The following ABLIM1 variants were observed in gnomAD, a reference collection of about 807,000 sequenced individuals.
The protein encoded by ABLIM1 is actin binding LIM protein 1.
A neutral mutation model predicts 107.0 loss-of-function variants in ABLIM1; 40 were observed. That is an observed-to-expected ratio of 0.37 (90% CI 0.29 to 0.49). The LOEUF (loss-of-function observed/expected upper bound fraction) is 0.49, where lower values mean the gene tolerates loss of function less well. Among genes scored for constraint, ABLIM1 ranks in the 20% least tolerant of loss-of-function variants. The probability of loss-of-function intolerance (pLI) is 0.97; values close to 1 mark genes in which losing one functional copy is unlikely to be tolerated. For missense variants in ABLIM1, 857 were observed against 1,008.5 expected (o/e 0.85, Z 2.04); for synonymous variants, 357 against 357.3 (o/e 1.00, Z 0.01).
At chr10:114,597,706 C>G (rs954230283) in intron 2 of ABLIM1, among the ~76,000 whole-genome samples, 8 of 152,210 alleles carry the variant, frequency 5.3e-5, no homozygotes, top group African/African-American at 1.7e-4. Context: ...CTATTCTGTG[C>G]TGTGACCTCC....
chr10:114,655,855 C>A (rs1298894181), intron 1 of ABLIM1, among the ~76,000 whole-genome samples: 1 of 152,206 alleles, frequency 6.6e-6, no homozygotes, highest in South Asian at 2.1e-4. Flanking sequence ...CAGCAGCTGT[C>A]GAAGTCGGTA....
intron 1 of ABLIM1, among the ~76,000 whole-genome samples, chr10:114,620,876 T>G (rs148222474): frequency 2.6e-4 from 39 of 152,302 alleles, no homozygotes; most frequent in African/African-American, 8.2e-4. Context: ...AAAGTAACTC[T>G]TCCCTTTAGG....
At chr10:114,527,071 G>A in intron 6 of ABLIM1, 1 of 711,786 alleles carries the variant, frequency 1.4e-6, no homozygotes, top group Non-Finnish European at 1.7e-6. Context: ...ACTATTGTCT[G>A]CATGTGAAAC....
chr10:114,767,243 G>T (rs950377715), intron 1 of ABLIM1, among the ~76,000 whole-genome samples: 1 of 152,276 alleles, frequency 6.6e-6, no homozygotes, highest in African/African-American at 2.4e-5. Context: ...TGCCTTCAGG[G>T]TATCAAAAGG....
At chr10:114,746,861 T>C (rs1464279438) in intron 1 of ABLIM1, among the ~76,000 whole-genome samples, 1 of 152,250 alleles carries the variant, frequency 6.6e-6, no homozygotes, top group Non-Finnish European at 1.5e-5. Flanking sequence ...TTTTGAGCAA[T>C]GTCTATTCAT....
At chr10:114,587,946 G>T (rs1048952653) in intron 2 of ABLIM1, among the ~76,000 whole-genome samples, 1 of 152,138 alleles carries the variant, frequency 6.6e-6, no homozygotes, top group African/African-American at 2.4e-5. Context: ...TTCTTTAGGG[G>T]TAGGTACCAT....
intron 1 of ABLIM1, among the ~76,000 whole-genome samples, chr10:114,720,404 G>T (rs1591884050): frequency 6.6e-6 from 1 of 152,252 alleles, no homozygotes; most frequent in East Asian, 1.9e-4. Context: ...TGGGATTGTT[G>T]AGTCAAATGG....
At position 114,471,284 on chromosome 10, in the gene ABLIM1, A is replaced by G. The variant is rs561842142; in HGVS notation, c.1275+1693T>C. ...ACTGCCTTGATGGAGCTGCTGGGAA[A>G]CGCACACAGACACGTACACTGCACA... is the stretch of plus-strand genomic sequence containing the variant. On this transcript the variant is annotated intron_variant, in intron 10 of 22. Transcript: ENST00000533213. Among the ~76,000 whole-genome samples the G allele has an allele frequency of 7.2e-5, 11 of 152,190 alleles. No individual in the cohort carries two copies. In the South Asian group the frequency reaches 2.1e-3, roughly 29 times the overall value.
intron 8 of ABLIM1, among the ~76,000 whole-genome samples, chr10:114,481,843 A>G (rs1459183858): frequency 1.3e-5 from 2 of 152,386 alleles, no homozygotes; most frequent in East Asian, 3.9e-4. Context: ...TAGTGACATG[A>G]ACAAAACAAA....
chr10:114,465,512 A>C, intron 12 of ABLIM1, 186 bp downstream of exon 12: 1 of 593,084 alleles, frequency 1.7e-6, no homozygotes, highest in South Asian at 3.8e-5. Context: ...ACACAGGCTT[A>C]GGATGACTGA....
At chr10:114,732,236 T>C (rs1380373458) in intron 1 of ABLIM1, among the ~76,000 whole-genome samples, 1 of 145,664 alleles carries the variant, frequency 6.9e-6, no homozygotes, top group Non-Finnish European at 1.5e-5. Flanking sequence ...CAGGCTAGAG[T>C]GCAGTGGCGC....
At chr10:114,704,335 T>TATATATATATCTCACG (rs3061769) in intron 1 of ABLIM1, among the ~76,000 whole-genome samples, 2,647 of 82,708 alleles carry the variant, frequency 0.032, 267 homozygotes, top group Non-Finnish European at 0.043. Flanking sequence ...TATATATATA[T>TATATATATATCTCACG]TGCGCGCGTT....
chr10:114,681,843 C>T (rs183169733), intron 1 of ABLIM1, among the ~76,000 whole-genome samples: 1 of 152,302 alleles, frequency 6.6e-6, no homozygotes, highest in East Asian at 1.9e-4. Context: ...TGCCTGCTCC[C>T]ACTCCTGGGG....
Position 114,638,804 on chromosome 10 carries a change from G to A in ABLIM1, c.244+19153C>T, listed in dbSNP as rs577277592. ...TTTTCCAGATACCTTATCCTTCATCGGTTCTTGGACTTCATATGGAAGGAC... is the reference window on the plus strand; with the variant it reads ...TTTTCCAGATACCTTATCCTTCATCAGTTCTTGGACTTCATATGGAAGGAC... On this transcript the variant is annotated intron_variant, in intron 1 of 22. Coordinates refer to ENST00000533213, the MANE Select transcript of ABLIM1 (RefSeq NM_002313.7). 4.1e-4 allele frequency among the ~76,000 whole-genome samples: 63 copies of A among 152,174 alleles called. No individual in the cohort carries two copies. In the South Asian group the frequency reaches 9.8e-3, roughly 24 times the overall value.
intron 12 of ABLIM1, among the ~76,000 whole-genome samples, chr10:114,462,660 C>T (rs774661358): frequency 7.2e-5 from 11 of 152,080 alleles, no homozygotes; most frequent in South Asian, 6.2e-4. Flanking sequence ...TAAACACTGT[C>T]GTGTTTTGCT....
chr10:114,613,829 T>C, intron 1 of ABLIM1: 1 of 998,406 alleles, frequency 1.0e-6, no homozygotes, highest in Non-Finnish European at 1.4e-6. Flanking sequence ...TCCTTCAAGC[T>C]CTCTTATGAC....
chr10:114,514,105 G>A (rs929626622), intron 6 of ABLIM1, among the ~76,000 whole-genome samples: 1 of 152,096 alleles, frequency 6.6e-6, no homozygotes, highest in African/African-American at 2.4e-5. Flanking sequence ...GTTGCTTTCC[G>A]ATACTAGCTG....
At chr10:114,443,815 C>T (rs575677820) in intron 17 of ABLIM1, among the ~76,000 whole-genome samples, 2 of 152,062 alleles carry the variant, frequency 1.3e-5, no homozygotes, top group African/African-American at 4.8e-5. Context: ...TTGAGAACCT[C>T]CAAGGGTTCA....
upstream of ABLIM1, among the ~76,000 whole-genome samples, chr10:114,662,493 G>A (rs1331179246): frequency 6.6e-6 from 1 of 152,080 alleles, no homozygotes; most frequent in African/African-American, 2.4e-5. Context: ...TGCATGGTCA[G>A]CCCTGGGCAT....
Sources: allele counts gnomAD v4.1 joint callset (sites outside exome capture counted in the v4.1 genomes callset), GRCh38; gene constraint gnomAD v4.1.1; transcripts MANE v1.5; gene names NCBI Gene and HGNC (gene_info 2026-07-23, HGNC 2026-07-21).